The following RABGAP1L variants were observed in gnomAD, a reference collection of about 807,000 sequenced individuals.
The protein encoded by RABGAP1L is rab GTPase-activating protein 1-like.
A neutral mutation model predicts 137.7 loss-of-function variants in RABGAP1L; 63 were observed. That is an observed-to-expected ratio of 0.46 (90% CI 0.37 to 0.56). The LOEUF (loss-of-function observed/expected upper bound fraction) is 0.56, where lower values mean the gene tolerates loss of function less well. Among genes scored for constraint, RABGAP1L ranks in the 20% least tolerant of loss-of-function variants. The pLI is 0.00. For synonymous variants in RABGAP1L, 431 were observed against 433.7 expected (o/e 0.99, Z 0.08); for missense variants, 1,095 against 1,244.0 (o/e 0.88, Z 1.80).
intron 19 of RABGAP1L, among the ~76,000 whole-genome samples, chr1:174,856,043 A>C (rs1341258308): frequency 6.6e-6 from 1 of 152,196 alleles, no homozygotes; most frequent in Non-Finnish European, 1.5e-5. Flanking sequence ...CTTGGTGTTC[A>C]TGCAATGACT....
intron 19 of RABGAP1L, among the ~76,000 whole-genome samples, chr1:174,817,043 G>T (rs539410960): frequency 5.4e-4 from 81 of 151,144 alleles, no homozygotes; most frequent in African/African-American, 1.7e-3. Context: ...CTTTTTTTTT[G>T]TTTTGTTTTG....
In RABGAP1L at chr1:174,195,819, TTCTTTCTATC is replaced by T. The variant is rs1558022266; in HGVS notation, c.-33-23305_-33-23296del. Among the ~76,000 whole-genome samples, 41 of 142,962 alleles carry T rather than the reference TTCTTTCTATC, an allele frequency of 2.9e-4. 1 individual carries two copies. The highest frequency in any genetic ancestry group is 1.3e-3 in the Admixed American group (18 of 13,728). 93.8% of individuals were successfully genotyped at this position (142,962 alleles called of 152,430 possible). A position where few individuals can be genotyped will look rare whatever the true frequency, so the allele number is the denominator to read the frequency against. On this transcript the variant is annotated intron_variant, in intron 1 of 25. Transcript: ENST00000681986. ...TTTCTTTCTTTCTTTCTATCCTTCTTTCTTTCTATCCTTCTTCTTCTTTTTTTTTTTTTTG... is the reference window on the plus strand; with the variant it reads ...TTTCTTTCTTTCTTTCTATCCTTCTTCTTCTTCTTCTTTTTTTTTTTTTTG...
intron 13 of RABGAP1L, 141 bp from the exon 14 acceptor site, chr1:174,637,234 T>C (rs919113971): frequency 6.7e-6 from 4 of 600,774 alleles, no homozygotes; most frequent in African/African-American, 1.9e-5. Context: ...TATAGGACTA[T>C]GGGTCTGGGA....
rs1219921734 is a variant in RABGAP1L, at chr1:174,180,706, A to T, written c.-34+21049A>T. On this transcript the variant is annotated intron_variant, in intron 1 of 25. Transcript: ENST00000681986. ...GGTCTCGAACTCCTGGGCTTCAGTTATCCTCGTGCCTTGGCCTCCCAAAGT... is the reference window on the plus strand; with the variant it reads ...GGTCTCGAACTCCTGGGCTTCAGTTTTCCTCGTGCCTTGGCCTCCCAAAGT... Among the ~76,000 whole-genome samples, 5 of 152,162 alleles carry T rather than the reference A, an allele frequency of 3.3e-5. No homozygotes were observed. The East Asian group carries it at 9.6e-4, about 29-fold the overall frequency.
At position 174,939,188 on chromosome 1, in the gene RABGAP1L, T is replaced by C. The variant is rs193128881; in HGVS notation, c.2341-18269T>C. Reference sequence around the variant, plus strand: ...CTTTGATTGATAGGTATATATCTGTTGTTTATGTGTTAAAAATCTAGCAAG... The same window carrying C: ...CTTTGATTGATAGGTATATATCTGTCGTTTATGTGTTAAAAATCTAGCAAG... On this transcript the variant is annotated intron_variant, in intron 19 of 25. Coordinates refer to ENST00000681986, the MANE Select transcript of RABGAP1L (RefSeq NM_001366446.1). Among the ~76,000 whole-genome samples, 16 of 152,304 alleles carry C rather than the reference T, an allele frequency of 1.1e-4. No individual in the cohort carries two copies. The East Asian group carries it at 2.9e-3, about 28-fold the overall frequency.
At chr1:174,406,053 A>C (rs990112186) in intron 13 of RABGAP1L, among the ~76,000 whole-genome samples, 1 of 152,016 alleles carries the variant, frequency 6.6e-6, no homozygotes, top group Non-Finnish European at 1.5e-5. Flanking sequence ...GAAAATATAC[A>C]ATTTATTTTC....
At chr1:174,883,632 T>A (rs1654621015) in intron 19 of RABGAP1L, among the ~76,000 whole-genome samples, 1 of 152,132 alleles carries the variant, frequency 6.6e-6, no homozygotes, top group African/African-American at 2.4e-5. Context: ...AGGCCAAACC[T>A]TCTGATGAGT....
At chr1:174,741,064 T>G (rs1683364216) in intron 17 of RABGAP1L, among the ~76,000 whole-genome samples, 2 of 148,092 alleles carry the variant, frequency 1.4e-5, no homozygotes, top group African/African-American at 5.0e-5. Flanking sequence ...TTTTTGTGTG[T>G]GGGAGCTTTT....
At chr1:174,271,997 T>C (rs1674594060) in intron 7 of RABGAP1L, among the ~76,000 whole-genome samples, 2 of 151,894 alleles carry the variant, frequency 1.3e-5, no homozygotes, top group South Asian at 4.1e-4. Context: ...AAAGAGAGCA[T>C]AGTGTCATCT....
At chr1:174,877,249 G>A in intron 19 of RABGAP1L, 2 of 602,862 alleles carry the variant, frequency 3.3e-6, no homozygotes, top group South Asian at 3.9e-5. Flanking sequence ...TGTTTATAGT[G>A]TATACTTCCT....
At chr1:174,203,369 TC>T (rs2148401864) in intron 1 of RABGAP1L, among the ~76,000 whole-genome samples, 1 of 152,184 alleles carries the variant, frequency 6.6e-6, no homozygotes, top group Non-Finnish European at 1.5e-5. Context: ...GAACAGGGAG[TC>T]TTTTCCCCAT....
chr1:174,289,375 A>G lies in RABGAP1L; in HGVS notation c.1323+10596A>G, dbSNP rs1430899445. Among the ~76,000 whole-genome samples the G allele has an allele frequency of 2.6e-5, 4 of 151,934 alleles. No homozygotes were observed. The East Asian group carries it at 7.7e-4, about 29-fold the overall frequency. The stretch of plus-strand genomic sequence containing the variant: ...AAAATGGTTTTTATTACTTTGTTGA[A>G]CTTATTTTGTTAATGTATTGTTTTT... On this transcript the variant is annotated intron_variant, in intron 10 of 25. Transcript: ENST00000681986.
intron 20 of RABGAP1L, among the ~76,000 whole-genome samples, chr1:174,962,651 A>G (rs1484308475): frequency 8.2e-6 from 1 of 121,376 alleles, no homozygotes; most frequent in Non-Finnish European, 1.9e-5. Context: ...GCAATAGTTT[A>G]GAGTAATTTT....
chr1:174,584,216 G>A (rs1668947932), intron 13 of RABGAP1L, among the ~76,000 whole-genome samples: 5 of 152,108 alleles, frequency 3.3e-5, no homozygotes. Context: ...CTCAATACAG[G>A]ATTAAATAAA....
At chr1:174,902,529 G>T (rs1047001047) in intron 19 of RABGAP1L, among the ~76,000 whole-genome samples, 4 of 152,160 alleles carry the variant, frequency 2.6e-5, no homozygotes, top group East Asian at 1.9e-4. Context: ...CCTGGGGCTG[G>T]TGTATTTAAA....
At chr1:174,579,645 C>A (rs1425803916) in intron 13 of RABGAP1L, among the ~76,000 whole-genome samples, 1 of 152,152 alleles carries the variant, frequency 6.6e-6, no homozygotes, top group Non-Finnish European at 1.5e-5. Flanking sequence ...TAAGAAAGAT[C>A]ATTTTGGCAG....
intron 7 of RABGAP1L, among the ~76,000 whole-genome samples, chr1:174,260,079 C>T (rs57774157): frequency 0.014 from 2,067 of 152,086 alleles, 61 homozygotes; most frequent in African/African-American, 0.048. Flanking sequence ...GTGATCTGCC[C>T]GCCTCAGCCT....
rs756070545 is a variant in RABGAP1L, at chr1:174,831,269, A to G, written c.2340+19309A>G. Among the ~76,000 whole-genome samples, 4 of 148,234 alleles carry G rather than the reference A, an allele frequency of 2.7e-5. 1 individual carries two copies. Among genetic ancestry groups the G allele is most frequent in the Non-Finnish European group, 4.5e-5 (3 of 66,684 alleles). On this transcript the variant is annotated intron_variant, in intron 19 of 25. Transcript: ENST00000681986. ...GAATATTGCAATTAAAGACTAAGAG[A>G]GTACTCCGAGTCTCCCAAAGTACCT...
chr1:174,353,535 G>A (rs7536015), intron 11 of RABGAP1L, among the ~76,000 whole-genome samples: 1 of 152,172 alleles, frequency 6.6e-6, no homozygotes, highest in African/African-American at 2.4e-5. Context: ...CCCTAATAAA[G>A]TTTCAAGTTT....
Sources: gnomAD v4.1 joint callset for allele counts (sites outside exome capture counted in the v4.1 genomes callset) on GRCh38, gnomAD v4.1.1 for gene constraint, MANE v1.5 for transcripts, NCBI Gene and HGNC (gene_info 2026-07-23, HGNC 2026-07-21) for gene names.